Variants in NCKAP5 observed in about 807,000 individuals in gnomAD.
NCKAP5 encodes NCK associated protein 5.
NCKAP5 carries 92 observed loss-of-function variants against 167.0 expected under a neutral mutation model. The ratio of observed to expected loss-of-function variants is 0.55; its 90% CI spans 0.47 to 0.66. The LOEUF (loss-of-function observed/expected upper bound fraction) is 0.66, where lower values mean the gene tolerates loss of function less well. Among genes scored for constraint, NCKAP5 ranks in the 30% least tolerant of loss-of-function variants. The probability of loss-of-function intolerance (pLI) is 0.00; values close to 1 mark genes in which losing one functional copy is unlikely to be tolerated. For missense variants in NCKAP5, 2,378 were observed against 2,315.0 expected, an observed-to-expected ratio of 1.03 and a Z score of -0.56; for synonymous variants, 891 against 877.4, an observed-to-expected ratio of 1.02 and a Z score of -0.27.
rs905173258 is a variant in NCKAP5 at position 133,333,120 on chromosome 2, G to T, written c.70-30010C>A. 3.6e-4 allele frequency among the ~76,000 whole-genome samples: 55 copies of T among 152,150 alleles called. 1 individual carries two copies. Among genetic ancestry groups the T allele is most frequent in the African/African-American group, 1.0e-3 (43 of 41,422 alleles). On this transcript the variant is annotated intron_variant, in intron 3 of 19. Coordinates refer to ENST00000409261, the MANE Select transcript of NCKAP5 (RefSeq NM_207363.3). ...TGTTTACTGGCAGGATGAATACAAAGCCTCCACAAATTAAGTCTTCCCAGA... is the reference window on the plus strand; with the variant it reads ...TGTTTACTGGCAGGATGAATACAAATCCTCCACAAATTAAGTCTTCCCAGA...
intron 2 of NCKAP5, among the ~76,000 whole-genome samples, chr2:133,541,463 A>G (rs924953597): frequency 3.3e-5 from 5 of 152,178 alleles, no homozygotes; most frequent in African/African-American, 1.2e-4. Context: ...TTTATGCAAT[A>G]TATGGTAATT....
At chr2:133,613,958 C>G in the NCKAP5 span, among the ~76,000 whole-genome samples, 1 of 152,162 alleles carries the variant, frequency 6.6e-6, no homozygotes, top group Non-Finnish European at 1.5e-5. Flanking sequence ...AAAGAATCTT[C>G]TGGGGCATTT....
In NCKAP5 at chr2:132,882,289, T is replaced by C. The variant is rs1208968326; in HGVS notation, c.580-3373A>G. Among the ~76,000 whole-genome samples, 5 of 152,288 alleles carry C rather than the reference T, an allele frequency of 3.3e-5. No individual in the cohort carries two copies. In the East Asian group the frequency reaches 9.7e-4, roughly 29 times the overall value. On this transcript the variant is annotated intron_variant, in intron 8 of 19. Coordinates refer to ENST00000409261, the MANE Select transcript of NCKAP5 (RefSeq NM_207363.3). ...AGATCTGGGTGTTAGCCTGTATCAG[T>C]TGCTACCAAGGAGTCACTGCTTCTA... is the stretch of plus-strand genomic sequence containing the variant.
chr2:133,170,047 TA>T (rs1388077125), intron 5 of NCKAP5, among the ~76,000 whole-genome samples: 1 of 152,222 alleles, frequency 6.6e-6, no homozygotes, highest in Non-Finnish European at 1.5e-5. Context: ...GATGATGTTT[TA>T]AAAAATAATT....
At chr2:133,023,653 T>C (rs2078604125) in intron 6 of NCKAP5, among the ~76,000 whole-genome samples, 3 of 152,174 alleles carry the variant, frequency 2.0e-5, no homozygotes, top group South Asian at 4.1e-4. Flanking sequence ...TTTGTGTCCA[T>C]GTATACGTAG....
At chr2:133,108,892 AT>A (rs556235023) in intron 6 of NCKAP5, among the ~76,000 whole-genome samples, 2 of 152,244 alleles carry the variant, frequency 1.3e-5, no homozygotes, top group South Asian at 4.1e-4. Context: ...ATAATATTCC[AT>A]TGTGTCTGTG....
In NCKAP5 at chr2:132,782,309, T is replaced by C; in HGVS notation, c.4502A>G (p.Lys1501Arg). The C allele has an allele frequency of 6.2e-7, 1 of 1,614,100 alleles. No individual in the cohort carries two copies. Among genetic ancestry groups the C allele is most frequent in the Non-Finnish European group, 8.5e-7 (1 of 1,179,902 alleles). The change falls in exon 14 of 20, where the codon AAG (lysine) becomes AGG (arginine). Residue 1501 changes from lysine (K) to arginine (R), a missense_variant. Around this residue, in one of 3 missense-constraint regions of NCKAP5, gnomAD observed 1,325 missense variants for 1,274.5 expected, o/e 1.04. Coordinates refer to ENST00000409261, the MANE Select transcript of NCKAP5 (RefSeq NM_207363.3). ...TKPTSVEAKQ[K>R]PGPSFASWFG... ...CCAGCTGGCAAAAGAAGGCCCAGGC[T>C]TCTGCTTTGCTTCCACAGAGGTGGG...
At chr2:133,418,967 A>G (rs185965481) in intron 3 of NCKAP5, among the ~76,000 whole-genome samples, 50 of 152,338 alleles carry the variant, frequency 3.3e-4, no homozygotes, top group African/African-American at 1.0e-3. Flanking sequence ...TTAAAAATGA[A>G]GGCAAACTCA....
chr2:133,200,227 T>C (rs78915118), intron 5 of NCKAP5, among the ~76,000 whole-genome samples: 1 of 151,960 alleles, frequency 6.6e-6, no homozygotes, highest in Non-Finnish European at 1.5e-5. Context: ...TTTGTGTTAT[T>C]TGATTACTAC....
the NCKAP5 span, among the ~76,000 whole-genome samples, chr2:133,655,883 G>A: frequency 6.6e-6 from 1 of 152,180 alleles, no homozygotes; most frequent in African/African-American, 2.4e-5. Context: ...GGCTCTGCCT[G>A]TGCACTCAAG....
chr2:133,515,038 C>T (rs1226947891), intron 3 of NCKAP5, among the ~76,000 whole-genome samples: 2 of 152,004 alleles, frequency 1.3e-5, no homozygotes, highest in African/African-American at 2.4e-5. Context: ...TAGAATCTTC[C>T]CTACCTGCTT....
At chr2:133,144,084 G>T (rs1473161594) in intron 5 of NCKAP5, among the ~76,000 whole-genome samples, 1 of 152,038 alleles carries the variant, frequency 6.6e-6, no homozygotes, top group Non-Finnish European at 1.5e-5. Flanking sequence ...GACAGAGATG[G>T]TCTTTGCCAT....
At chr2:132,951,562 T>C (rs2076188329) in intron 8 of NCKAP5, among the ~76,000 whole-genome samples, 1 of 152,134 alleles carries the variant, frequency 6.6e-6, no homozygotes, top group Non-Finnish European at 1.5e-5. Flanking sequence ...GGCTCTAGGG[T>C]TGGAGCTCAT....
the NCKAP5 span, among the ~76,000 whole-genome samples, chr2:133,655,945 T>C: frequency 1.3e-4 from 20 of 152,296 alleles, no homozygotes; most frequent in Middle Eastern, 3.4e-3. Flanking sequence ...AAAGTAATAA[T>C]CTAGGCTCTG....
At chr2:133,651,544 A>C in the NCKAP5 span, among the ~76,000 whole-genome samples, 2 of 152,330 alleles carry the variant, frequency 1.3e-5, no homozygotes, top group South Asian at 2.1e-4. Flanking sequence ...GGAGAAATAG[A>C]ACCTTTGCAC....
At chr2:133,186,613 C>T (rs558932059) in intron 5 of NCKAP5, among the ~76,000 whole-genome samples, 5 of 151,960 alleles carry the variant, frequency 3.3e-5, no homozygotes, top group Non-Finnish European at 5.9e-5. Context: ...TTTTTTACCA[C>T]TGATTCAATT....
intron 3 of NCKAP5, among the ~76,000 whole-genome samples, chr2:133,309,064 T>C (rs1681041914): frequency 6.6e-6 from 1 of 152,070 alleles, no homozygotes; most frequent in South Asian, 2.1e-4. Flanking sequence ...TAGAAAACAG[T>C]GTAATGCTAA....
intron 6 of NCKAP5, among the ~76,000 whole-genome samples, chr2:133,043,549 T>C (rs1217564143): frequency 6.6e-6 from 1 of 152,198 alleles, no homozygotes; most frequent in African/African-American, 2.4e-5. Context: ...AAACTCATTA[T>C]GTTTTAAGAA....
intron 15 of NCKAP5, among the ~76,000 whole-genome samples, chr2:132,774,479 A>AT (rs111929397): frequency 0.28 from 41,635 of 151,260 alleles, 6,031 homozygotes; most frequent in East Asian, 0.42. Context: ...TTATCTAGAT[A>AT]TTTTTTTTTG....
Sources: gnomAD v4.1 joint callset for allele counts (sites outside exome capture counted in the v4.1 genomes callset) on GRCh38, gnomAD v4.1.1 for gene constraint, gnomAD v4.1.1 regional missense constraint, MANE v1.5 for transcripts, NCBI Gene and HGNC (gene_info 2026-07-23, HGNC 2026-07-21) for gene names.